Variants in ZNF85 observed in about 807,000 individuals in gnomAD.
The protein encoded by ZNF85 is zinc finger protein 85.
Under a neutral mutation model 53.9 loss-of-function variants are expected in ZNF85, and 50 were observed. That is an observed-to-expected ratio of 0.93 (90% CI 0.74 to 1.17). ZNF85 has a LOEUF of 1.17. ZNF85 is among the 50% of genes most tolerant of loss of function. The probability of loss-of-function intolerance (pLI) is 0.00; values close to 1 mark genes in which losing one functional copy is unlikely to be tolerated. For missense variants in ZNF85, 747 were observed against 688.5 expected (o/e 1.08, Z -0.95); for synonymous variants, 225 against 226.1 (o/e 1.00, Z 0.04).
intron 3 of ZNF85, among the ~76,000 whole-genome samples, chr19:20,938,116 A>G (rs1973202143): frequency 1.3e-5 from 2 of 152,158 alleles, no homozygotes; most frequent in Admixed American, 6.6e-5. Flanking sequence ...TCTGTCACAC[A>G]GGCTTTAGTG....
At chr19:20,944,134 A>G (rs1400018559) in intron 3 of ZNF85, 1 of 164,160 alleles carries the variant, frequency 6.1e-6, no homozygotes, top group African/African-American at 2.4e-5. Context: ...AAATAATTTT[A>G]TGTGTTGATA....
Position 20,923,343 on chromosome 19 carries a change from G to A in ZNF85, c.-58G>A. On this transcript the variant is annotated 5_prime_UTR_variant, in exon 1 of 4. Transcript: ENST00000328178. ...GACGCCCAGCCTCTGTGGCCCTGTG[G>A]CCTGCAGGTATTGGGAGATCCACAG... The A allele has an allele frequency of 6.2e-7, 1 of 1,613,560 alleles. No individual in the cohort carries two copies. Among genetic ancestry groups the A allele is most frequent in the Non-Finnish European group, 8.5e-7 (1 of 1,179,622 alleles).
chr19:20,938,157 C>T (rs1292226147), intron 3 of ZNF85, among the ~76,000 whole-genome samples: 2 of 152,164 alleles, frequency 1.3e-5, no homozygotes, highest in Admixed American at 1.3e-4. Context: ...ACTCCCATCT[C>T]CTCCTGGGTT....
In ZNF85 at chr19:20,948,777, C is replaced by T. The variant is rs138974406; in HGVS notation, c.263C>T (p.Pro88Leu). 6.2e-5 allele frequency: 99 copies of T among 1,587,708 alleles called. No homozygotes were observed. In the South Asian group the frequency reaches 6.9e-4, roughly 11 times the overall value. The stretch of plus-strand genomic sequence containing the variant: ...TCTCATTTTGCCCAAGACCTTTGGC[C>T]GGAGCAGAATATAAAAGATTCTTTC... ...MCSHFAQDLWPEQNIKDSFQK... is the reference protein window; with the variant it reads ...MCSHFAQDLWLEQNIKDSFQK... Residue 88 changes from proline (P) to leucine (L), a missense_variant, in exon 4 of 4, where the codon CCG (proline) becomes CTG (leucine). Pro to Leu is a moderately conservative substitution (Grantham distance 98). Transcript: ENST00000328178.
chr19:20,933,611 C>T (rs1338391790), intron 1 of ZNF85, among the ~76,000 whole-genome samples: 1 of 152,278 alleles, frequency 6.6e-6, no homozygotes, highest in East Asian at 1.9e-4. Flanking sequence ...TTATTGTACA[C>T]ATTAAAATTT....
chr19:20,937,792 T>C (rs1270708862), intron 3 of ZNF85, among the ~76,000 whole-genome samples: 1 of 152,174 alleles, frequency 6.6e-6, no homozygotes, highest in Non-Finnish European at 1.5e-5. Context: ...CCTGTCTGCA[T>C]GTCTATAAAT....
chr19:20,934,888 T>C, intron 2 of ZNF85, 61 bp from the exon 3 acceptor site: 1 of 1,104,616 alleles, frequency 9.1e-7, no homozygotes, highest in East Asian at 2.7e-5. Flanking sequence ...CTAAGCACAT[T>C]ACTAGATTGG....
chr19:20,943,776 T>C (rs1315181457), intron 3 of ZNF85: 2 of 152,190 alleles, frequency 1.3e-5, no homozygotes, highest in Admixed American at 1.3e-4. Context: ...AGCCCTAATG[T>C]TGTATATACA....
At chr19:20,948,536 C>A (rs1196465039) in intron 3 of ZNF85, among the ~76,000 whole-genome samples, 1 of 152,122 alleles carries the variant, frequency 6.6e-6, no homozygotes, top group East Asian at 1.9e-4. Flanking sequence ...GCACTGCACA[C>A]ACTTAACTCA....
chr19:20,948,948 T>C lies in ZNF85; in HGVS notation c.434T>C (p.Ile145Thr). ...NQCLTATQSKIFQCDKYVKVA... is the reference protein window; with the variant it reads ...NQCLTATQSKTFQCDKYVKVA... ...TGTCTCACAGCTACCCAGAGCAAAA[T>C]ATTTCAATGTGATAAATATGTAAAA... The change falls in exon 4 of 4, where the codon ATA (isoleucine) becomes ACA (threonine). Residue 145 changes from isoleucine (I) to threonine (T), a missense_variant. Ile to Thr is a moderately conservative substitution (Grantham distance 89, BLOSUM62 -1). Transcript: ENST00000328178. The C allele has an allele frequency of 6.2e-7, 1 of 1,613,664 alleles. No individual in the cohort carries two copies. The highest frequency in any genetic ancestry group is 8.5e-7 in the Non-Finnish European group (1 of 1,179,758).
At chr19:20,946,528 T>C (rs1973425415) in intron 3 of ZNF85, 1 of 228,216 alleles carries the variant, frequency 4.4e-6, no homozygotes, top group African/African-American at 2.3e-5. Flanking sequence ...TCTGTCAATA[T>C]TTGTTTTATA....
At chr19:20,924,620 A>G (rs1305163124) in intron 1 of ZNF85, among the ~76,000 whole-genome samples, 1 of 152,216 alleles carries the variant, frequency 6.6e-6, no homozygotes, top group Admixed American at 6.5e-5. Context: ...TGTCATTGAC[A>G]TTCCCAAATG....
chr19:20,935,816 C>T (rs1973145528), intron 3 of ZNF85, among the ~76,000 whole-genome samples: 2 of 152,018 alleles, frequency 1.3e-5, no homozygotes, highest in South Asian at 4.1e-4. Flanking sequence ...TCCCAAAGTG[C>T]TAGGATTACA....
chr19:20,940,162 T>A (rs761580877), intron 3 of ZNF85, among the ~76,000 whole-genome samples: 1 of 152,076 alleles, frequency 6.6e-6, no homozygotes, highest in Non-Finnish European at 1.5e-5. Context: ...TATAATTCTA[T>A]ATTGTTTTCA....
intron 3 of ZNF85, chr19:20,936,959 T>C (rs1377067953): frequency 5.9e-6 from 1 of 168,338 alleles, no homozygotes; most frequent in African/African-American, 2.4e-5. Flanking sequence ...TAGTTTTGCA[T>C]TGGTGTATAT....
intron 3 of ZNF85, among the ~76,000 whole-genome samples, chr19:20,947,133 C>G (rs1346769349): frequency 6.6e-6 from 1 of 151,698 alleles, no homozygotes; most frequent in Non-Finnish European, 1.5e-5. Context: ...TACATAAAAT[C>G]TCTAAAAGAT....
intron 3 of ZNF85, among the ~76,000 whole-genome samples, chr19:20,940,616 T>A (rs1181856569): frequency 6.6e-6 from 1 of 152,050 alleles, no homozygotes; most frequent in African/African-American, 2.4e-5. Context: ...AAATTTTACG[T>A]CTTGTAAAAC....
chr19:20,946,592 A>ACACACACCCC (rs367859040), intron 3 of ZNF85, among the ~76,000 whole-genome samples: 8 of 151,432 alleles, frequency 5.3e-5, no homozygotes, highest in Non-Finnish European at 1.2e-4. Flanking sequence ...ACACACACAC[A>ACACACACCCC]CCCCACAAAT....
chr19:20,939,411 C>T (rs542692715), intron 3 of ZNF85, among the ~76,000 whole-genome samples: 1 of 152,030 alleles, frequency 6.6e-6, no homozygotes, highest in East Asian at 2.0e-4. Context: ...CACACCAGCA[C>T]GGCTGGCTAA....
Sources: gnomAD v4.1 joint callset for allele counts (sites outside exome capture counted in the v4.1 genomes callset) on GRCh38, gnomAD v4.1.1 for gene constraint, MANE v1.5 for transcripts, NCBI Gene and HGNC (gene_info 2026-07-23, HGNC 2026-07-21) for gene names.